TNRC6A: variants seen among roughly 807,000 people sequenced by gnomAD.
The protein encoded by TNRC6A is trinucleotide repeat-containing gene 6A protein.
TNRC6A carries 44 observed loss-of-function variants against 221.2 expected under a neutral mutation model. The ratio of observed to expected loss-of-function variants is 0.20; its 90% CI spans 0.16 to 0.26. The LOEUF (loss-of-function observed/expected upper bound fraction) is 0.26. Among genes scored for constraint, TNRC6A ranks in the 10% least tolerant of loss-of-function variants. The pLI, the probability that TNRC6A is intolerant of heterozygous loss-of-function variation, is 1.00. For missense variants in TNRC6A, 2,199 were observed against 2,404.4 expected (o/e 0.91, Z 1.79); for synonymous variants, 847 against 838.5 (o/e 1.01, Z -0.18).
At position 24,810,951 on chromosome 16, in the gene TNRC6A, C is replaced by A. The variant is rs143514116; in HGVS notation, c.4672+1470C>A. ...CAGCAGTGTAAGCCTGAAACACTTG[C>A]ATAACTGATCAGCTAGTCAGTCTCC... On this transcript the variant is annotated intron_variant, in intron 18 of 24. Coordinates refer to ENST00000395799, the MANE Select transcript of TNRC6A (RefSeq NM_014494.4). Among the ~76,000 whole-genome samples, 21 of 152,306 alleles carry A rather than the reference C, an allele frequency of 1.4e-4. No individual in the cohort carries two copies. In the East Asian group the frequency reaches 4.1e-3, roughly 29 times the overall value.
chr16:24,744,443 C>T (rs1288703141), intron 2 of TNRC6A, among the ~76,000 whole-genome samples: 1 of 152,320 alleles, frequency 6.6e-6, no homozygotes, highest in East Asian at 1.9e-4. Flanking sequence ...AACCATTCTT[C>T]TTACATTAGT....
At chr16:24,736,621 T>G (rs1327914260) in intron 2 of TNRC6A, among the ~76,000 whole-genome samples, 4 of 152,222 alleles carry the variant, frequency 2.6e-5, no homozygotes, top group African/African-American at 9.6e-5. Flanking sequence ...GGGTCTTGTC[T>G]GTATGATTAG....
intron 1 of TNRC6A, among the ~76,000 whole-genome samples, chr16:24,615,890 G>A (rs1454713030): frequency 2.6e-5 from 3 of 115,238 alleles, no homozygotes; most frequent in Non-Finnish European, 4.9e-5. Flanking sequence ...ACCCCTACAT[G>A]CTCTAAATTT....
intron 2 of TNRC6A, among the ~76,000 whole-genome samples, chr16:24,660,784 C>A (rs1224778500): frequency 6.9e-6 from 1 of 145,672 alleles, no homozygotes; most frequent in Non-Finnish European, 1.5e-5. Context: ...CTCTGTCGCC[C>A]AGGCTGGAGT....
In TNRC6A at chr16:24,660,610, A is replaced by G. The variant is rs1269832378; in HGVS notation, n.402+19601A>G. 2.7e-5 allele frequency among the ~76,000 whole-genome samples: 4 copies of G among 149,354 alleles called. No individual in the cohort carries two copies. In the South Asian group the frequency reaches 8.3e-4, roughly 31 times the overall value. On this transcript the variant is annotated intron_variant and non_coding_transcript_variant, in intron 2 of 2. Coordinates refer to the TNRC6A transcript ENST00000566108. Reference sequence around the variant, plus strand: ...GTTCTCACATTGAAGCTTTAGCCTAACTCTTAGTGCCCTTTGTCATTATAA... The same window carrying G: ...GTTCTCACATTGAAGCTTTAGCCTAGCTCTTAGTGCCCTTTGTCATTATAA...
At chr16:24,733,173 A>G (rs990399957) in intron 2 of TNRC6A, among the ~76,000 whole-genome samples, 5 of 152,134 alleles carry the variant, frequency 3.3e-5, no homozygotes, top group Non-Finnish European at 7.4e-5. Context: ...GTGCCACTGC[A>G]CTCCAGCCTA....
chr16:24,715,605 C>CTTTTTT (rs58843836), intron 2 of TNRC6A, among the ~76,000 whole-genome samples: 28 of 127,224 alleles, frequency 2.2e-4, no homozygotes, highest in African/African-American at 5.8e-4. Flanking sequence ...TGAGTAGTTT[C>CTTTTTT]TTTTTTTTTT....
At chr16:24,737,793 T>A (rs768841871) in intron 2 of TNRC6A, among the ~76,000 whole-genome samples, 4 of 152,216 alleles carry the variant, frequency 2.6e-5, no homozygotes, top group Non-Finnish European at 5.9e-5. Flanking sequence ...GACGTCTGTG[T>A]TTTGTTGACT....
chr16:24,699,561 T>A (rs559154558), intron 2 of TNRC6A, among the ~76,000 whole-genome samples: 22 of 151,910 alleles, frequency 1.4e-4, no homozygotes, highest in African/African-American at 5.3e-4. Context: ...CTACAAAAAA[T>A]TTTTAAAATG....
At chr16:24,783,546 G>A (rs1375055163) in intron 5 of TNRC6A, among the ~76,000 whole-genome samples, 5 of 148,768 alleles carry the variant, frequency 3.4e-5, no homozygotes. Context: ...TTTTTTGAGT[G>A]TGGTACTGTA....
chr16:24,638,032 G>A (rs963071237), intron 1 of TNRC6A, among the ~76,000 whole-genome samples: 4 of 151,880 alleles, frequency 2.6e-5, no homozygotes, highest in South Asian at 2.1e-4. Flanking sequence ...TGATCCACCC[G>A]CCTCAGTCTC....
chr16:24,735,794 G>A (rs1596573120), intron 2 of TNRC6A, among the ~76,000 whole-genome samples: 1 of 152,158 alleles, frequency 6.6e-6, no homozygotes, highest in African/African-American at 2.4e-5. Context: ...AATGGTATGC[G>A]TTATATGTAT....
chr16:24,726,493 T>C (rs2056494878), upstream of TNRC6A, among the ~76,000 whole-genome samples: 1 of 151,782 alleles, frequency 6.6e-6, no homozygotes, highest in Non-Finnish European at 1.5e-5. Flanking sequence ...AAGAAGTAAA[T>C]CAAGATGAGG....
In TNRC6A at chr16:24,823,319, C is replaced by T. The variant is rs935629864; in HGVS notation, c.5514-113C>T. ...GCAGGTTATGTGGTGTAGTCTCTCC[C>T]TCTGTGCCTTCTGTGGCTTTTCTAG... On this transcript the variant is annotated intron_variant, in intron 24 of 24. Coordinates refer to ENST00000395799, the MANE Select transcript of TNRC6A (RefSeq NM_014494.4). This position sits in a 1 kb window ranked among gnomAD's most constrained non-coding sequence, Gnocchi z 4.3. 4.5e-6 allele frequency: 6 copies of T among 1,337,840 alleles called. No individual in the cohort carries two copies. The highest frequency in any genetic ancestry group is 4.4e-5 in the African/African-American group (3 of 68,416). The allele number at this position is 1,337,840 out of a possible 1,614,324, so 82.9% of individuals were successfully genotyped here. A position where few individuals can be genotyped will look rare whatever the true frequency, so the allele number is the denominator to read the frequency against.
rs190758459 is a variant in TNRC6A at position 24,805,869 on chromosome 16, C to T, written c.4251+136C>T. The stretch of plus-strand genomic sequence containing the variant: ...AGTCCTCATGGAGCTTACAGTCTAT[C>T]GGGGGAGACAGATCGTGAACATTTG... On this transcript the variant is annotated intron_variant, in intron 15 of 24. Coordinates refer to ENST00000395799, the MANE Select transcript of TNRC6A (RefSeq NM_014494.4). 1.4e-5 allele frequency: 16 copies of T among 1,173,124 alleles called. 1 individual carries two copies. The Admixed American group carries it at 1.6e-4, about 12-fold the overall frequency. 72.7% of individuals were successfully genotyped at this position (1,173,124 alleles called of 1,614,324 possible).
chr16:24,698,021 CA>C (rs1290086269), intron 2 of TNRC6A, among the ~76,000 whole-genome samples: 1,636 of 78,556 alleles, frequency 0.021, 29 homozygotes, highest in African/African-American at 0.06. Flanking sequence ...GGCTCTGTCT[CA>C]AAAAAAAAAA....
intron 2 of TNRC6A, among the ~76,000 whole-genome samples, chr16:24,688,393 C>T (rs1022834764): frequency 3.9e-5 from 6 of 152,288 alleles, no homozygotes; most frequent in East Asian, 3.9e-4. Flanking sequence ...CCTCTCACCA[C>T]GGCCCTTTCC....
At chr16:24,730,445 A>G (rs2056604956) in intron 2 of TNRC6A, 145 bp downstream of exon 2, 3 of 830,478 alleles carry the variant, frequency 3.6e-6, no homozygotes, top group South Asian at 3.4e-5. Context: ...GCCTGGGGGA[A>G]TACTGGAGGG....
At chr16:24,814,996 G>A in intron 18 of TNRC6A, 151 bp from the exon 19 acceptor site, 1 of 811,284 alleles carries the variant, frequency 1.2e-6, no homozygotes, top group Non-Finnish European at 1.9e-6. Context: ...CAAATGCGAT[G>A]TTAGAATCTC....
Sources: allele counts gnomAD v4.1 joint callset (sites outside exome capture counted in the v4.1 genomes callset), GRCh38; gene constraint gnomAD v4.1.1; non-coding constraint Gnocchi (gnomAD v3.1); transcripts MANE v1.5; gene names NCBI Gene and HGNC (gene_info 2026-07-23, HGNC 2026-07-21).